The following ORC3 variants were observed in gnomAD, a reference collection of about 807,000 sequenced individuals.
ORC3 encodes origin recognition complex subunit 3, also known as homolog of latheo, Drosophila.
ORC3 carries 78 observed loss-of-function variants against 100.7 expected under a neutral mutation model. The observed-to-expected ratio is 0.77, with a 90% CI of 0.65 to 0.94. ORC3 has a LOEUF of 0.94. ORC3 is among the 40% of genes least tolerant of loss of function. ORC3 has a pLI of 0.00. For missense variants in ORC3, 789 were observed against 823.9 expected (o/e 0.96, Z 0.52); for synonymous variants, 295 against 289.3 (o/e 1.02, Z -0.20).
At position 87,627,681 on chromosome 6, in the gene ORC3, C is replaced by T. The variant is rs1332318440; in HGVS notation, c.1185+5668C>T. 4.6e-5 allele frequency among the ~76,000 whole-genome samples: 7 copies of T among 152,076 alleles called. No homozygotes were observed. In the East Asian group the frequency reaches 1.2e-3, roughly 25 times the overall value. ...CAATCTATATGTAATATTTATAATA[C>T]TCTTATGTTATATAGTTGTATAGAC... On this transcript the variant is annotated intron_variant, in intron 11 of 19. Coordinates refer to ENST00000392844, the MANE Select transcript of ORC3 (RefSeq NM_012381.4).
chr6:87,611,280 C>A (rs1229837403), intron 7 of ORC3, among the ~76,000 whole-genome samples: 1 of 152,054 alleles, frequency 6.6e-6, no homozygotes, highest in Non-Finnish European at 1.5e-5. Context: ...AGCCCAGATC[C>A]TAGGACTTTT....
At chr6:87,618,307 G>T (rs973806013) in intron 9 of ORC3, among the ~76,000 whole-genome samples, 1 of 152,102 alleles carries the variant, frequency 6.6e-6, no homozygotes, top group Non-Finnish European at 1.5e-5. Flanking sequence ...CTACTTGGGG[G>T]GCTGAGGCAG....
intron 2 of ORC3, among the ~76,000 whole-genome samples, chr6:87,597,416 C>G (rs115154726): frequency 1.3e-5 from 2 of 152,052 alleles, no homozygotes; most frequent in South Asian, 4.1e-4. Flanking sequence ...GACCCTAACC[C>G]GGATCAATTG....
chr6:87,622,405 T>A lies in ORC3; in HGVS notation c.1185+392T>A, dbSNP rs6923591. On this transcript the variant is annotated intron_variant, in intron 11 of 19. Coordinates refer to ENST00000392844, the MANE Select transcript of ORC3 (RefSeq NM_012381.4). ...ATTTAGAAGCCAGGCAGCTTAGGCG[T>A]CTGCTGCTAAGTGGGTATTGATTTG... 6.3e-3 allele frequency among the ~76,000 whole-genome samples: 965 copies of A among 152,248 alleles called. 7 individuals carry two copies. Among genetic ancestry groups the A allele is most frequent in the African/African-American group, 0.021 (893 of 41,568 alleles).
chr6:87,652,987 T>G, intron 13 of ORC3, 129 bp from the exon 14 acceptor site: 1 of 629,370 alleles, frequency 1.6e-6, no homozygotes, highest in East Asian at 2.9e-5. Context: ...CAAAAAATGT[T>G]GGTAGCTACT....
rs750968797 is a variant in ORC3, at chr6:87,663,074, G to A, written c.1763G>A (p.Arg588His). 1.4e-5 allele frequency: 23 copies of A among 1,612,004 alleles called. No homozygotes were observed. The highest frequency in any genetic ancestry group is 2.2e-5 in the East Asian group (1 of 44,882). ...TACTTCAGTGCTGCCCATGCCCTTC[G>A]TGAGCATTTAAATGCTGCTCCGCGA... is the stretch of plus-strand genomic sequence containing the variant. ...VVYFSAAHAL[R>H]EHLNAAPRIA... The change falls in exon 17 of 20, where the codon CGT (arginine) becomes CAT (histidine). Residue 588 changes from arginine to histidine, a missense_variant. Arg to His is a conservative substitution (Grantham distance 29). Transcript: ENST00000392844.
chr6:87,596,684 T>TA, intron 2 of ORC3, among the ~76,000 whole-genome samples: 1 of 152,288 alleles, frequency 6.6e-6, no homozygotes, highest in African/African-American at 2.4e-5. Flanking sequence ...TAAAAAAAGA[T>TA]ACTGTCTTCA....
intron 17 of ORC3, among the ~76,000 whole-genome samples, chr6:87,664,365 T>G (rs1936592583): frequency 6.6e-6 from 1 of 152,192 alleles, no homozygotes; most frequent in Non-Finnish European, 1.5e-5. Flanking sequence ...TAATACAGTA[T>G]AGTAATTGTT....
At chr6:87,645,610 G>C (rs1768701754) in intron 13 of ORC3, among the ~76,000 whole-genome samples, 1 of 152,120 alleles carries the variant, frequency 6.6e-6, no homozygotes, top group Non-Finnish European at 1.5e-5. Context: ...AGCTGGTAAT[G>C]GTAATGTTTG....
downstream of ORC3, among the ~76,000 whole-genome samples, chr6:87,667,666 C>T (rs1050022110): frequency 6.6e-6 from 1 of 151,644 alleles, no homozygotes; most frequent in Non-Finnish European, 1.5e-5. Context: ...TGGTGGCTCA[C>T]ACCTGTAATC....
chr6:87,608,312 ATGTT>A (rs758628910), intron 6 of ORC3, among the ~76,000 whole-genome samples: 2 of 152,218 alleles, frequency 1.3e-5, no homozygotes, highest in Non-Finnish European at 2.9e-5. Context: ...TAAGTAAAGT[ATGTT>A]AGACAAACAG....
At chr6:87,643,108 T>C (rs879359826) in intron 13 of ORC3, among the ~76,000 whole-genome samples, 4 of 152,204 alleles carry the variant, frequency 2.6e-5, no homozygotes, top group South Asian at 2.1e-4. Flanking sequence ...ACAAAAGATA[T>C]TGAGAGTCAC....
intron 2 of ORC3, 43 bp from the exon 3 acceptor site, chr6:87,601,733 CTTATACTA>C: frequency 9.2e-7 from 1 of 1,082,566 alleles, no homozygotes; most frequent in South Asian, 1.3e-5. Flanking sequence ...AGATCTATAA[CTTATACTA>C]TTATATGAAA....
chr6:87,613,360 G>A (rs900835928), intron 8 of ORC3, among the ~76,000 whole-genome samples: 7 of 152,220 alleles, frequency 4.6e-5, no homozygotes, highest in East Asian at 3.9e-4. Context: ...TTCAATTACC[G>A]CCCACCAGGT....
downstream of ORC3, chr6:87,667,475 C>T (rs1034844066): frequency 5.8e-6 from 1 of 173,742 alleles, no homozygotes; most frequent in African/African-American, 2.4e-5. Flanking sequence ...CTTTAGCAAT[C>T]CTCATTCCTC....
chr6:87,672,290 A>G (rs572102481), downstream of ORC3, among the ~76,000 whole-genome samples: 33 of 152,372 alleles, frequency 2.2e-4, no homozygotes, highest in African/African-American at 7.7e-4. Flanking sequence ...GGAGCACTAA[A>G]ATAATCACTA....
At position 87,638,910 on chromosome 6, in the gene ORC3, T is replaced by C. The variant is rs113519647; in HGVS notation, c.1382+2424T>C. ...TGCATATAAATTCAAGAGTCAGTAA[T>C]GATGGGGATACCAAGCAACTACAGA... On this transcript the variant is annotated intron_variant, in intron 13 of 19. Coordinates refer to ENST00000392844, the MANE Select transcript of ORC3 (RefSeq NM_012381.4). Among the ~76,000 whole-genome samples the C allele has an allele frequency of 4.3e-3, 655 of 152,058 alleles. 3 individuals are homozygous for C. The highest frequency in any genetic ancestry group is 0.015 in the African/African-American group (629 of 41,478).
intron 9 of ORC3, 130 bp downstream of exon 9, chr6:87,616,557 A>T (rs1270943314): frequency 2.0e-6 from 1 of 496,756 alleles, no homozygotes; most frequent in African/African-American, 1.9e-5. Flanking sequence ...CAGTTATTTT[A>T]TTCTAGGTTC....
intron 13 of ORC3, among the ~76,000 whole-genome samples, chr6:87,645,840 T>C (rs1464189570): frequency 1.3e-5 from 2 of 152,190 alleles, no homozygotes; most frequent in African/African-American, 4.8e-5. Flanking sequence ...AAGAAAACTT[T>C]TTTAAAAAAT....
Sources: gnomAD v4.1 joint callset for allele counts (sites outside exome capture counted in the v4.1 genomes callset) on GRCh38, gnomAD v4.1.1 for gene constraint, MANE v1.5 for transcripts, NCBI Gene and HGNC (gene_info 2026-07-23, HGNC 2026-07-21) for gene names.